The following SEL1L3 variants were observed in gnomAD, a reference collection of about 807,000 sequenced individuals.
SEL1L3 encodes SEL1L family member 3, also known as protein sel-1 homolog 3.
Under a neutral mutation model 142.8 loss-of-function variants are expected in SEL1L3, and 76 were observed. That is an observed-to-expected ratio of 0.53 (90% CI 0.44 to 0.64). SEL1L3 has a LOEUF of 0.64. SEL1L3 is among the 30% of genes least tolerant of loss of function. SEL1L3 has a pLI of 0.00. For synonymous variants in SEL1L3, 504 were observed against 519.6 expected (o/e 0.97, Z 0.41); for missense variants, 1,262 against 1,381.7 (o/e 0.91, Z 1.37).
chr4:25,774,961 C>A (rs1488062596), intron 17 of SEL1L3, among the ~76,000 whole-genome samples: 3 of 152,150 alleles, frequency 2.0e-5, no homozygotes, highest in Admixed American at 1.3e-4. Flanking sequence ...GGAGTGTTTA[C>A]AGGAGTGCTC....
At chr4:25,811,023 C>T (rs1332202548) in intron 9 of SEL1L3, among the ~76,000 whole-genome samples, 1 of 152,210 alleles carries the variant, frequency 6.6e-6, no homozygotes, top group African/African-American at 2.4e-5. Flanking sequence ...ATGAGCCTCC[C>T]TCCTCTGTAC....
the SEL1L3 span, among the ~76,000 whole-genome samples, chr4:25,740,952 T>G: frequency 3.1e-3 from 463 of 151,610 alleles, 3 homozygotes; most frequent in African/African-American, 0.011. Context: ...GCCTGGCTAA[T>G]TTTTGTGTTT....
At chr4:25,863,524 G>C (rs1717905572), upstream of SEL1L3, 2 of 702,650 alleles carry the variant, frequency 2.8e-6, no homozygotes, top group African/African-American at 3.5e-5. Flanking sequence ...CCCGCAGGGC[G>C]CAGGGCGAGT....
chr4:25,792,520 G>T (rs1051778715), intron 11 of SEL1L3, among the ~76,000 whole-genome samples: 3 of 152,356 alleles, frequency 2.0e-5, no homozygotes, highest in African/African-American at 7.2e-5. Context: ...AACTCCAGAG[G>T]ACACTGTCCT....
In SEL1L3 at chr4:25,782,492, G is replaced by A. The variant is rs117523154; in HGVS notation, c.2281-74C>T. The A allele has an allele frequency of 2.8e-4, 367 of 1,307,078 alleles. 5 individuals carry two copies. The East Asian group carries it at 6.1e-3, about 22-fold the overall frequency. The allele number at this position is 1,307,078 out of a possible 1,614,324, so 81.0% of individuals were successfully genotyped here. ...GAGAGCTCTGGAAGCAATTATTGTG[G>A]AAGCATTCTGCCTAAGTCTGAACAA... is the stretch of plus-strand genomic sequence containing the variant. On this transcript the variant is annotated intron_variant, in intron 14 of 23. Coordinates refer to ENST00000399878, the MANE Select transcript of SEL1L3 (RefSeq NM_015187.5).
intron 1 of SEL1L3, 67 bp downstream of exon 1, chr4:25,862,608 G>C: frequency 1.1e-6 from 1 of 899,616 alleles, no homozygotes; most frequent in South Asian, 4.7e-5. Context: ...GGTGTCCCCG[G>C]CCGCCCCCAC....
chr4:25,832,647 T>C (rs1042815670), intron 5 of SEL1L3, among the ~76,000 whole-genome samples: 9 of 152,136 alleles, frequency 5.9e-5, no homozygotes, highest in Non-Finnish European at 1.2e-4. Context: ...GATTACACTA[T>C]ATAAACATGG....
intron 15 of SEL1L3, among the ~76,000 whole-genome samples, chr4:25,780,731 AAT>A (rs1417159472): frequency 2.2e-4 from 32 of 147,096 alleles, no homozygotes; most frequent in Admixed American, 8.2e-4. Flanking sequence ...ATATATAAAT[AAT>A]ATATATAAAT....
chr4:25,714,556 T>C, the SEL1L3 span, among the ~76,000 whole-genome samples: 1 of 114,584 alleles, frequency 8.7e-6, no homozygotes, highest in Non-Finnish European at 1.8e-5. Context: ...TTCTTTCTTC[T>C]TTCTTTCTTT....
the SEL1L3 span, among the ~76,000 whole-genome samples, chr4:25,724,837 C>T: frequency 1.1e-4 from 17 of 149,348 alleles, no homozygotes; most frequent in Non-Finnish European, 2.1e-4. Flanking sequence ...TAACAGTAAA[C>T]CCAACAGTTC....
At chr4:25,817,272 T>A (rs369523844) in intron 9 of SEL1L3, among the ~76,000 whole-genome samples, 5 of 152,294 alleles carry the variant, frequency 3.3e-5, no homozygotes, top group African/African-American at 1.2e-4. Context: ...CAGAAGTCAG[T>A]TTCTGCATCG....
chr4:25,752,587 A>G (rs1355286979), intron 23 of SEL1L3, among the ~76,000 whole-genome samples: 1 of 152,120 alleles, frequency 6.6e-6, no homozygotes, highest in African/African-American at 2.4e-5. Context: ...GCCCCAGAGG[A>G]CATACTCCTT....
intron 10 of SEL1L3, among the ~76,000 whole-genome samples, chr4:25,803,906 C>T (rs1713368471): frequency 6.6e-6 from 1 of 152,004 alleles, no homozygotes. Flanking sequence ...TCCTGGCCCT[C>T]AGCTTGCAGA....
intron 6 of SEL1L3, among the ~76,000 whole-genome samples, chr4:25,825,232 T>C (rs1422070059): frequency 1.3e-5 from 2 of 152,158 alleles, no homozygotes; most frequent in African/African-American, 4.8e-5. Flanking sequence ...CAATAGGATA[T>C]ATGTCCAGCT....
At chr4:25,814,696 G>A (rs990394524) in intron 9 of SEL1L3, among the ~76,000 whole-genome samples, 5 of 152,108 alleles carry the variant, frequency 3.3e-5, no homozygotes, top group Admixed American at 6.5e-5. Flanking sequence ...CGGCGATAGC[G>A]TCACACTCGT....
intron 9 of SEL1L3, among the ~76,000 whole-genome samples, chr4:25,817,436 C>G (rs1714454081): frequency 6.6e-6 from 1 of 152,232 alleles, no homozygotes; most frequent in Admixed American, 6.5e-5. Flanking sequence ...TAAGATCCCT[C>G]ACGTCCCTAG....
At chr4:25,750,054 T>C (rs540589926) in intron 23 of SEL1L3, among the ~76,000 whole-genome samples, 59 of 151,466 alleles carry the variant, frequency 3.9e-4, no homozygotes, top group Non-Finnish European at 7.1e-4. Flanking sequence ...GCCAACATGG[T>C]GAAACCCTCT....
At chr4:25,825,422 A>C (rs1447102636) in intron 6 of SEL1L3, among the ~76,000 whole-genome samples, 1 of 152,206 alleles carries the variant, frequency 6.6e-6, no homozygotes, top group Non-Finnish European at 1.5e-5. Context: ...AACCCGAGAC[A>C]TGCTGGCAAA....
chr4:25,844,262 G>A (rs1398773262), intron 2 of SEL1L3, among the ~76,000 whole-genome samples: 1 of 152,198 alleles, frequency 6.6e-6, no homozygotes, highest in Admixed American at 6.5e-5. Context: ...CAAAGGTCAT[G>A]GATGTTTTCC....
Sources: allele counts gnomAD v4.1 joint callset (sites outside exome capture counted in the v4.1 genomes callset), GRCh38; gene constraint gnomAD v4.1.1; transcripts MANE v1.5; gene names NCBI Gene and HGNC (gene_info 2026-07-23, HGNC 2026-07-21).